Variants in CAMTA1 observed in about 807,000 individuals in gnomAD.
CAMTA1 encodes the protein calmodulin binding transcription activator 1.
A neutral mutation model predicts 170.9 loss-of-function variants in CAMTA1; 27 were observed. The ratio of observed to expected loss-of-function variants is 0.16; its 90% confidence interval spans 0.12 to 0.22. The LOEUF (loss-of-function observed/expected upper bound fraction) is 0.22. Among genes scored for constraint, CAMTA1 ranks in the 10% least tolerant of loss-of-function variants. CAMTA1 has a pLI of 1.00. For synonymous variants in CAMTA1, 833 were observed against 891.5 expected (o/e 0.93, Z 1.17); for missense variants, 1,619 against 2,217.2 (o/e 0.73, Z 5.42).
chr1:7,646,135 T>C (rs931731492), intron 7 of CAMTA1, among the ~76,000 whole-genome samples: 2 of 141,644 alleles, frequency 1.4e-5, no homozygotes, highest in Non-Finnish European at 3.1e-5. Context: ...GGAGGCCCCG[T>C]TGAGGTGGAT....
rs568308909 is a variant in CAMTA1, at chr1:7,373,567, C to G, written c.439-94263C>G. Among the ~76,000 whole-genome samples the G allele has an allele frequency of 1.2e-4, 19 of 152,330 alleles. No homozygotes were observed. The East Asian group carries it at 3.7e-3, about 29-fold the overall frequency. On this transcript the variant is annotated intron_variant, in intron 5 of 22. Transcript: ENST00000303635. ...GCACTCAGACTCACTCTGAGTCCCA[C>G]AGAGCAGAGGAGCCAAGAGACAACA...
chr1:7,095,516 C>T (rs892080513), intron 4 of CAMTA1, among the ~76,000 whole-genome samples: 4 of 152,284 alleles, frequency 2.6e-5, no homozygotes, highest in African/African-American at 7.2e-5. Context: ...ATGGTGAGTC[C>T]GTGCTAGAAC....
At chr1:6,884,726 T>C (rs1254411466) in intron 3 of CAMTA1, among the ~76,000 whole-genome samples, 2 of 152,220 alleles carry the variant, frequency 1.3e-5, no homozygotes, top group Non-Finnish European at 2.9e-5. Flanking sequence ...TTGGATGCCT[T>C]ATGTGTTGAA....
chr1:6,955,609 T>C (rs1024028254), intron 3 of CAMTA1, among the ~76,000 whole-genome samples: 1 of 152,154 alleles, frequency 6.6e-6, no homozygotes, highest in African/African-American at 2.4e-5. Flanking sequence ...ACTACTATTG[T>C]TGTGACTGTT....
chr1:6,867,634 A>G (rs1667040192), intron 3 of CAMTA1, among the ~76,000 whole-genome samples: 1 of 152,174 alleles, frequency 6.6e-6, no homozygotes, highest in Non-Finnish European at 1.5e-5. Context: ...AAAGACTAAC[A>G]TGAATTCTAA....
chr1:7,597,937 C>CTT (rs557066791), intron 6 of CAMTA1, among the ~76,000 whole-genome samples: 1 of 145,610 alleles, frequency 6.9e-6, no homozygotes, highest in Non-Finnish European at 1.5e-5. Flanking sequence ...CCGTCATCTA[C>CTT]TTTTTTTTTT....
At chr1:7,756,367 A>G (rs2096931706) in intron 22 of CAMTA1, among the ~76,000 whole-genome samples, 1 of 152,170 alleles carries the variant, frequency 6.6e-6, no homozygotes, top group Non-Finnish European at 1.5e-5. Flanking sequence ...TTTATATTTT[A>G]CATAACAAGA....
chr1:6,824,679 T>C (rs1646908031), intron 2 of CAMTA1, among the ~76,000 whole-genome samples: 1 of 152,236 alleles, frequency 6.6e-6, no homozygotes, highest in African/African-American at 2.4e-5. Flanking sequence ...AATAGTCATA[T>C]ATTACTATAA....
chr1:7,066,962 C>T (rs917543837), intron 3 of CAMTA1, among the ~76,000 whole-genome samples: 1 of 152,200 alleles, frequency 6.6e-6, no homozygotes, highest in Non-Finnish European at 1.5e-5. Context: ...CATTTGTTAT[C>T]GCTGACTCTC....
At chr1:7,340,975 TGGAA>T (rs919459242) in intron 5 of CAMTA1, among the ~76,000 whole-genome samples, 1 of 152,218 alleles carries the variant, frequency 6.6e-6, no homozygotes, top group Non-Finnish European at 1.5e-5. Context: ...TGTATATTTA[TGGAA>T]GGAAGTAGCC....
At chr1:7,202,323 A>G (rs1215412495) in intron 4 of CAMTA1, among the ~76,000 whole-genome samples, 1 of 152,136 alleles carries the variant, frequency 6.6e-6, no homozygotes, top group East Asian at 1.9e-4. Flanking sequence ...GAAAGTGTGA[A>G]TCCTCCTACT....
rs184705777 is a variant in CAMTA1 at position 7,365,115 on chromosome 1, C to T, written c.439-102715C>T. On this transcript the variant is annotated intron_variant, in intron 5 of 22. Coordinates refer to ENST00000303635, the MANE Select transcript of CAMTA1 (RefSeq NM_015215.4). ...CCAAGCTCACACTTGGCCTGGAGGC[C>T]GGACCCCATGAGGACCAACCTGTGG... Among the ~76,000 whole-genome samples, 1,331 of 152,308 alleles carry T rather than the reference C, an allele frequency of 8.7e-3. 11 individuals are homozygous for T. Among genetic ancestry groups the T allele is most frequent in the Non-Finnish European group, 0.01 (713 of 68,018 alleles).
rs141854708 is a variant in CAMTA1, at chr1:7,286,951, A to G, written c.438+37325A>G. Among the ~76,000 whole-genome samples the G allele has an allele frequency of 1.3e-5, 2 of 152,352 alleles. No homozygotes were observed. The highest frequency in any genetic ancestry group is 2.9e-5 in the Non-Finnish European group (2 of 68,032). ...TTGACACTCAGTAAACAGAAGCTGG[A>G]GCTACTCTTACCTCTATCACTGTAA... On this transcript the variant is annotated intron_variant, in intron 5 of 22. Coordinates refer to ENST00000303635, the MANE Select transcript of CAMTA1 (RefSeq NM_015215.4). The surrounding 1 kb of genome is among the most constrained non-coding windows in gnomAD (Gnocchi z 4.2).
At position 7,665,659 on chromosome 1, in the gene CAMTA1, G is replaced by A. The variant is rs2095994567; in HGVS notation, c.2652+460G>A. On this transcript the variant is annotated intron_variant, in intron 9 of 22. Transcript: ENST00000303635. The surrounding 1 kb of genome is among the most constrained non-coding windows in gnomAD (Gnocchi z 4.3). The stretch of plus-strand genomic sequence containing the variant: ...GAGCCCAAGAGGTTGAGGCTGCAGT[G>A]AGCTGTGGTTGTACCACTGCACTCC... Among the ~76,000 whole-genome samples, 1 of 152,152 alleles carries A rather than the reference G, an allele frequency of 6.6e-6. No homozygotes were observed. Among genetic ancestry groups the A allele is most frequent in the Non-Finnish European group, 1.5e-5 (1 of 68,022 alleles).
chr1:7,710,600 C>CAAA (rs60019262), intron 11 of CAMTA1, among the ~76,000 whole-genome samples: 3 of 82,752 alleles, frequency 3.6e-5, no homozygotes, highest in African/African-American at 1.4e-4. Flanking sequence ...GACCCTGTCT[C>CAAA]AAAAAAAAAA....
intron 3 of CAMTA1, among the ~76,000 whole-genome samples, chr1:6,866,332 A>G (rs1335934527): frequency 6.6e-6 from 1 of 152,216 alleles, no homozygotes; most frequent in African/African-American, 2.4e-5. Flanking sequence ...TTTGAGAATC[A>G]GTGAATAGAG....
chr1:7,571,635 G>A (rs1361897544), intron 6 of CAMTA1, among the ~76,000 whole-genome samples: 1 of 152,142 alleles, frequency 6.6e-6, no homozygotes, highest in Non-Finnish European at 1.5e-5. Flanking sequence ...ATGGCCTCCA[G>A]CTCTATCCAT....
chr1:7,500,086 T>A (rs2093962692), intron 6 of CAMTA1, among the ~76,000 whole-genome samples: 2 of 147,032 alleles, frequency 1.4e-5, no homozygotes, highest in Admixed American at 1.3e-4. Context: ...TGTGCATGTG[T>A]GTCCATGAGT....
chr1:6,820,200 T>C lies in CAMTA1; in HGVS notation c.65T>C (p.Phe22Ser). 6.2e-7 allele frequency: 1 copy of C among 1,605,654 alleles called. No individual in the cohort carries two copies. Among genetic ancestry groups the C allele is most frequent in the Non-Finnish European group, 8.5e-7 (1 of 1,172,288 alleles). ...TSRKSVSQSV[F>S]CGTSTYCVLN... is the part of the protein sequence containing the mutation. Reference sequence around the variant, plus strand: ...CCTTAGAGCGTTTCCCAAAGTGTATTCTGCGGAACTAGCACCTACTGTGTT... The same window carrying C: ...CCTTAGAGCGTTTCCCAAAGTGTATCCTGCGGAACTAGCACCTACTGTGTT... Residue 22 changes from phenylalanine (F) to serine (S), a missense_variant, in exon 2 of 23, where the codon TTC becomes TCC. By Grantham distance (155) the Phe-to-Ser change is radical. Coordinates refer to ENST00000303635, the MANE Select transcript of CAMTA1 (RefSeq NM_015215.4).
Sources: allele counts gnomAD v4.1 joint callset (sites outside exome capture counted in the v4.1 genomes callset), GRCh38; gene constraint gnomAD v4.1.1; non-coding constraint Gnocchi (gnomAD v3.1); transcripts MANE v1.5; gene names NCBI Gene and HGNC (gene_info 2026-07-23, HGNC 2026-07-21).